The following FOXN3 variants were observed in gnomAD, a reference collection of about 807,000 sequenced individuals.
FOXN3 encodes the protein forkhead box N3, also known as forkhead box protein N3.
Under a neutral mutation model 38.4 loss-of-function variants are expected in FOXN3, and 7 were observed. The ratio of observed to expected loss-of-function variants is 0.18; its 90% CI spans 0.10 to 0.34. The LOEUF is 0.34. Among genes scored for constraint, FOXN3 ranks in the 10% least tolerant of loss-of-function variants. The pLI is 1.00. For synonymous variants in FOXN3, 230 were observed against 242.2 expected, an observed-to-expected ratio of 0.95 and a Z score of 0.47; for missense variants, 456 against 613.4, an observed-to-expected ratio of 0.74 and a Z score of 2.71.
chr14:89,535,006 A>AT lies in FOXN3; in HGVS notation c.-15+84021dup, dbSNP rs551012408. On this transcript the variant is annotated intron_variant, in intron 1 of 6. Coordinates refer to the FOXN3 transcript ENST00000345097. Reference sequence around the variant, plus strand: ...GCAAGGCTCTTCCATTTAATGAAGAATTTTTTTTCTCATTCCCTTAATATT... The same window carrying AT: ...GCAAGGCTCTTCCATTTAATGAAGAATTTTTTTTTCTCATTCCCTTAATATT... 3.2e-4 allele frequency among the ~76,000 whole-genome samples: 49 copies of AT among 152,170 alleles called. No individual in the cohort carries two copies. In the South Asian group the frequency reaches 8.9e-3, roughly 28 times the overall value.
At chr14:89,537,596 G>A (rs1241349305) in intron 1 of FOXN3, among the ~76,000 whole-genome samples, 1 of 152,206 alleles carries the variant, frequency 6.6e-6, no homozygotes. Context: ...GTAAATTGCA[G>A]AGCCAAAGCA....
At chr14:89,492,990 A>C (rs1228494520) in intron 1 of FOXN3, among the ~76,000 whole-genome samples, 1 of 152,188 alleles carries the variant, frequency 6.6e-6, no homozygotes, top group Non-Finnish European at 1.5e-5. Flanking sequence ...TTAACATCTG[A>C]TCAAATAATG....
chr14:89,510,552 G>C (rs1230776181), intron 1 of FOXN3, among the ~76,000 whole-genome samples: 2 of 152,142 alleles, frequency 1.3e-5, no homozygotes, highest in Non-Finnish European at 2.9e-5. Context: ...AGTGTGGAGA[G>C]GGGGTGGGTA....
intron 4 of FOXN3, chr14:89,230,735 C>T (rs1225052324): frequency 5.5e-6 from 2 of 360,582 alleles, no homozygotes; most frequent in Non-Finnish European, 1.1e-5. Context: ...ACGACAGGCG[C>T]CACACACTCT....
chr14:89,530,065 G>A (rs1321329940), intron 1 of FOXN3, among the ~76,000 whole-genome samples: 1 of 151,714 alleles, frequency 6.6e-6, no homozygotes. Flanking sequence ...TCAGCCTCCT[G>A]AGTAGCTAGG....
chr14:89,575,591 A>T (rs1210699344), intron 1 of FOXN3, among the ~76,000 whole-genome samples: 1 of 152,196 alleles, frequency 6.6e-6, no homozygotes, highest in East Asian at 1.9e-4. Context: ...ACCACCAAGT[A>T]TGTACAAGTC....
chr14:89,292,593 C>A (rs1025252620), intron 3 of FOXN3, among the ~76,000 whole-genome samples: 1 of 152,206 alleles, frequency 6.6e-6, no homozygotes. Flanking sequence ...GAGCCACCCC[C>A]CTTTTCTGCC....
In FOXN3 at chr14:89,449,664, A is replaced by C. The variant is rs540591272; in HGVS notation, c.-14-37174T>G. Among the ~76,000 whole-genome samples the C allele has an allele frequency of 5.9e-5, 9 of 152,336 alleles. No individual in the cohort carries two copies. The South Asian group carries it at 1.2e-3, about 21-fold the overall frequency. On this transcript the variant is annotated intron_variant, in intron 1 of 6. Transcript: ENST00000345097. ...CACGTTTTTGGGGGGCAGGAGGCCAACTTATAGGACATTTTGCAATCTCGT... is the reference window on the plus strand; with the variant it reads ...CACGTTTTTGGGGGGCAGGAGGCCACCTTATAGGACATTTTGCAATCTCGT...
chr14:89,325,265 C>A lies in FOXN3; in HGVS notation c.680+25407G>T, dbSNP rs1377152100. ...ACCACCACGACCACCACCACCACCA[C>A]CATCACCAACACCAACACCAACACC... On this transcript the variant is annotated intron_variant, in intron 3 of 5. Transcript: ENST00000557258. Among the ~76,000 whole-genome samples the A allele has an allele frequency of 8.2e-5, 12 of 147,144 alleles. 1 individual carries two copies. The highest frequency in any genetic ancestry group is 3.1e-4 in the African/African-American group (12 of 39,266).
At chr14:89,522,265 T>C (rs1170709556) in intron 1 of FOXN3, among the ~76,000 whole-genome samples, 1 of 152,068 alleles carries the variant, frequency 6.6e-6, no homozygotes, top group African/African-American at 2.4e-5. Flanking sequence ...CAGGGTGGTA[T>C]AGGGCTGTAG....
At chr14:89,441,081 C>T (rs1892373366) in intron 1 of FOXN3, among the ~76,000 whole-genome samples, 2 of 152,154 alleles carry the variant, frequency 1.3e-5, no homozygotes, top group African/African-American at 4.8e-5. Flanking sequence ...GTGGCCGAGG[C>T]TCCGGCTTCC....
At chr14:89,462,755 G>A (rs1301774218) in intron 1 of FOXN3, among the ~76,000 whole-genome samples, 3 of 151,466 alleles carry the variant, frequency 2.0e-5, no homozygotes, top group Non-Finnish European at 2.9e-5. Context: ...CACGATCTCG[G>A]CTCACTGCAA....
At chr14:89,347,292 A>G (rs1309636802) in intron 3 of FOXN3, among the ~76,000 whole-genome samples, 1 of 152,228 alleles carries the variant, frequency 6.6e-6, no homozygotes, top group Non-Finnish European at 1.5e-5. Context: ...AAATTTGGAC[A>G]TAGACACCAC....
chr14:89,562,188 A>G (rs1017708185), intron 1 of FOXN3, among the ~76,000 whole-genome samples: 8 of 152,192 alleles, frequency 5.3e-5, no homozygotes, highest in Non-Finnish European at 1.2e-4. Flanking sequence ...TTTAAGCAAC[A>G]TACTAAAATT....
In FOXN3 at chr14:89,462,832, C is replaced by T. The variant is rs181250312; in HGVS notation, c.-14-50342G>A. Among the ~76,000 whole-genome samples, 434 of 151,688 alleles carry T rather than the reference C, an allele frequency of 2.9e-3. 2 individuals are homozygous for T. The highest frequency in any genetic ancestry group is 0.01 in the African/African-American group (419 of 41,398). ...CCTGAGTAGCTGGGACTACAGGCGC[C>T]CGCCACCACGCCCAGCTAATTTTTT... On this transcript the variant is annotated intron_variant, in intron 1 of 6. Transcript: ENST00000345097.
intron 3 of FOXN3, among the ~76,000 whole-genome samples, chr14:89,332,454 T>C (rs542233214): frequency 6.6e-6 from 1 of 152,300 alleles, no homozygotes; most frequent in South Asian, 2.1e-4. Flanking sequence ...CTATATAATT[T>C]TCTTAATGTC....
chr14:89,486,078 T>G (rs17125917), intron 1 of FOXN3, among the ~76,000 whole-genome samples: 8,381 of 152,286 alleles, frequency 0.055, 821 homozygotes, highest in African/African-American at 0.19. Context: ...GAGTCAACTT[T>G]GCCTAAACTG....
chr14:89,483,125 T>C (rs2139763259), intron 1 of FOXN3, among the ~76,000 whole-genome samples: 1 of 152,202 alleles, frequency 6.6e-6, no homozygotes, highest in East Asian at 1.9e-4. Context: ...GAGAATCGCT[T>C]GAACCCAGGA....
At chr14:89,521,358 T>TCGATAGAG (rs1894313946) in intron 1 of FOXN3, among the ~76,000 whole-genome samples, 1 of 124,968 alleles carries the variant, frequency 8.0e-6, no homozygotes, top group African/African-American at 2.7e-5. Context: ...AGATGATAGA[T>TCGATAGAG]AGAGAGAGAG....
Sources: gnomAD v4.1 joint callset for allele counts (sites outside exome capture counted in the v4.1 genomes callset) on GRCh38, gnomAD v4.1.1 for gene constraint, MANE v1.5 for transcripts, NCBI Gene and HGNC (gene_info 2026-07-23, HGNC 2026-07-21) for gene names.